The following CCDC136 variants were observed in gnomAD, a reference collection of about 807,000 sequenced individuals.
CCDC136 encodes the protein coiled-coil domain-containing protein 136.
Under a neutral mutation model 141.2 loss-of-function variants are expected in CCDC136, and 100 were observed. The observed-to-expected ratio is 0.71, with a 90% confidence interval of 0.60 to 0.84. The LOEUF (loss-of-function observed/expected upper bound fraction) is 0.84, where lower values mean the gene tolerates loss of function less well. Ranked by LOEUF, CCDC136 falls within the 40% of genes least tolerant of loss-of-function variation. The pLI is 0.00. For missense variants in CCDC136, 1,206 were observed against 1,379.4 expected, an observed-to-expected ratio of 0.87 and a Z score of 1.99; for synonymous variants, 474 against 531.9, an observed-to-expected ratio of 0.89 and a Z score of 1.50.
chr7:128,802,681 T>G (rs1007607988), intron 4 of CCDC136, among the ~76,000 whole-genome samples: 3 of 152,240 alleles, frequency 2.0e-5, no homozygotes, highest in African/African-American at 7.2e-5. Context: ...AATAGTAATG[T>G]ATCAATATTT....
Position 128,801,369 on chromosome 7 carries a change from G to A in CCDC136, c.530G>A (p.Arg177Gln), listed in dbSNP as rs374763554. 2.0e-5 allele frequency: 33 copies of A among 1,613,288 alleles called. No individual in the cohort carries two copies. The highest frequency in any genetic ancestry group is 8.8e-5 in the South Asian group (8 of 90,924). ...GCATCCCTGCAGGAGGATCTCTGCC[G>A]GATGCAGAATGAACTTGAAGACATG... ...DIASLQEDLCRMQNELEDMER... is the reference protein window; with the variant it reads ...DIASLQEDLCQMQNELEDMER... Residue 177 changes from arginine to glutamine, a missense_variant, in exon 4 of 18, where the codon CGG becomes CAG. By Grantham distance (43) the Arg-to-Gln change is conservative (BLOSUM62 1). Transcript: ENST00000297788.
At chr7:128,811,779 T>C in intron 12 of CCDC136, 21 bp from the exon 13 acceptor site, 2 of 1,543,178 alleles carry the variant, frequency 1.3e-6, no homozygotes, top group Non-Finnish European at 1.7e-6. Context: ...AATGATACTG[T>C]CTCCCCACCC....
chr7:128,817,876 G>T lies in CCDC136; in HGVS notation c.*5+12G>T. 1.9e-6 allele frequency: 3 copies of T among 1,601,512 alleles called. No individual in the cohort carries two copies. Among genetic ancestry groups the T allele is most frequent in the Non-Finnish European group, 2.6e-6 (3 of 1,168,632 alleles). ...TCGTCCTAATGCAGGTACTGGTATT[G>T]CTTCCTCTCCTTCTGAGGGATAGAG... is the stretch of plus-strand genomic sequence containing the variant. On this transcript the variant is annotated intron_variant, in intron 17 of 17. Transcript: ENST00000297788. The surrounding 1 kb of genome is among the most constrained non-coding windows in gnomAD (Gnocchi z 4.6).
intron 13 of CCDC136, 73 bp downstream of exon 13, chr7:128,812,385 G>T (rs895140950): frequency 4.7e-6 from 7 of 1,475,636 alleles, no homozygotes; most frequent in Admixed American, 2.0e-5. Context: ...CATCGCCAGG[G>T]GAAGGGGCAA....
At chr7:128,808,560 T>G in intron 10 of CCDC136, 1 of 985,410 alleles carries the variant, frequency 1.0e-6, no homozygotes, top group Non-Finnish European at 1.2e-6. Context: ...TGAAGCATGT[T>G]GGAGAAGAGG....
upstream of CCDC136, chr7:128,791,725 GA>G (rs1802194436): frequency 1.6e-5 from 7 of 440,604 alleles, no homozygotes; most frequent in Middle Eastern, 3.1e-4. This position sits in a 1 kb window ranked among gnomAD's most constrained non-coding sequence, Gnocchi z 7.1. Context: ...TCCGGCCTGG[GA>G]CTGAGGCTTC....
chr7:128,796,804 G>T (rs1337723581), intron 3 of CCDC136, among the ~76,000 whole-genome samples: 3 of 142,108 alleles, frequency 2.1e-5, no homozygotes, highest in Admixed American at 2.1e-4. Context: ...TGCAGTGGCG[G>T]GATCTCGGCT....
At chr7:128,815,586 G>A (rs374125292) in intron 15 of CCDC136, 28 bp from the exon 16 acceptor site, 219 of 1,533,678 alleles carry the variant, frequency 1.4e-4, no homozygotes, top group Non-Finnish European at 1.8e-4. Context: ...TAACGCAGCC[G>A]CCATCCTGCC....
chr7:128,801,965 T>A (rs1272060688), intron 4 of CCDC136, among the ~76,000 whole-genome samples: 2 of 152,118 alleles, frequency 1.3e-5, no homozygotes, highest in African/African-American at 2.4e-5. Flanking sequence ...AGCTCTAGGA[T>A]GGGCAAAGAG....
intron 17 of CCDC136, among the ~76,000 whole-genome samples, chr7:128,820,742 C>A (rs1296222831): frequency 6.6e-6 from 1 of 152,186 alleles, no homozygotes; most frequent in Non-Finnish European, 1.5e-5. Context: ...GGTTTTCTTA[C>A]ATGAGTTACT....
chr7:128,797,292 C>T (rs1415006266), intron 3 of CCDC136, among the ~76,000 whole-genome samples: 4 of 152,064 alleles, frequency 2.6e-5, no homozygotes, highest in Non-Finnish European at 5.9e-5. Context: ...TATATAAAGG[C>T]AGAACCAGGG....
At position 128,817,730 on chromosome 7, in the gene CCDC136, G is replaced by A; in HGVS notation, c.3364-28G>A. On this transcript the variant is annotated intron_variant, in intron 16 of 17. Coordinates refer to ENST00000297788, the MANE Select transcript of CCDC136 (RefSeq NM_022742.5). This position sits in a 1 kb window ranked among gnomAD's most constrained non-coding sequence, Gnocchi z 4.6. ...CTCACATCTCCTGGTCTCTCCTCGT[G>A]CTTCTTTCTCATTTTGGTGTGTTGC... 1 of 1,476,884 alleles carries A rather than the reference G, an allele frequency of 6.8e-7. No individual in the cohort carries two copies. Among genetic ancestry groups the A allele is most frequent in the Non-Finnish European group, 9.5e-7 (1 of 1,055,112 alleles). 91.5% of individuals were successfully genotyped at this position (1,476,884 alleles called of 1,614,324 possible). A position where few individuals can be genotyped will look rare whatever the true frequency, so the allele number is the denominator to read the frequency against.
chr7:128,810,046 A>C, intron 11 of CCDC136, 93 bp from the exon 12 acceptor site: 5 of 736,306 alleles, frequency 6.8e-6, no homozygotes, highest in Non-Finnish European at 1.1e-5. Flanking sequence ...TCTTCAGGGA[A>C]TTGTTCACAA....
chr7:128,792,348 T>G lies in CCDC136; in HGVS notation c.-64T>G, dbSNP rs1439404263. On this transcript the variant is annotated 5_prime_UTR_variant, in exon 1 of 18. An upstream start codon of the reference 5' UTR is lost. Transcript: ENST00000297788. The stretch of plus-strand genomic sequence containing the variant: ...CCACAGTGACCACTCTAGGCTCCTA[T>G]GAGGCTTCCGAGGGCTGTGAGAGGA... 6.9e-7 allele frequency: 1 copy of G among 1,440,978 alleles called. No individual in the cohort carries two copies. Among genetic ancestry groups the G allele is most frequent in the South Asian group, 1.1e-5 (1 of 88,660 alleles). 89.3% of individuals were successfully genotyped at this position (1,440,978 alleles called of 1,614,324 possible).
At chr7:128,818,809 AC>A (rs1807036268) in intron 17 of CCDC136, among the ~76,000 whole-genome samples, 2 of 152,086 alleles carry the variant, frequency 1.3e-5, no homozygotes. Context: ...GCCTTCTGGA[AC>A]CCATAAGGTA....
At chr7:128,791,885 A>T (rs1002089127), upstream of CCDC136, 2 of 441,056 alleles carry the variant, frequency 4.5e-6, no homozygotes, top group Non-Finnish European at 6.9e-6. The surrounding 1 kb of genome is among the most constrained non-coding windows in gnomAD (Gnocchi z 7.1). Flanking sequence ...GGGGTGGGCA[A>T]GGTCCAGCGA....
Position 128,804,641 on chromosome 7 carries a change from C to G in CCDC136, c.671-9C>G. ...CCCGGTCTCATCTCTCTCTGCCTGT[C>G]CTCTGCAGAAGAACTGCAGGAGCTG... On this transcript the variant is annotated splice_polypyrimidine_tract_variant and intron_variant, in intron 4 of 17. Transcript: ENST00000297788. 6.6e-7 allele frequency: 1 copy of G among 1,526,250 alleles called. No individual in the cohort carries two copies. The highest frequency in any genetic ancestry group is 8.9e-7 in the Non-Finnish European group (1 of 1,121,456). 94.5% of individuals were successfully genotyped at this position (1,526,250 alleles called of 1,614,324 possible). A position where few individuals can be genotyped will look rare whatever the true frequency, so the allele number is the denominator to read the frequency against.
intron 4 of CCDC136, among the ~76,000 whole-genome samples, chr7:128,804,187 C>T (rs1804481729): frequency 6.6e-6 from 1 of 152,212 alleles, no homozygotes; most frequent in South Asian, 2.1e-4. Context: ...ACTCAGAATG[C>T]CTGAAAGGCA....
intron 13 of CCDC136, 137 bp from the exon 14 acceptor site, chr7:128,812,571 G>A (rs1308379448): frequency 4.1e-6 from 3 of 734,612 alleles, no homozygotes; most frequent in Middle Eastern, 3.8e-4. Flanking sequence ...CTCTTTATGG[G>A]GGTAAATATA....
Sources: allele counts gnomAD v4.1 joint callset (sites outside exome capture counted in the v4.1 genomes callset), GRCh38; gene constraint gnomAD v4.1.1; non-coding constraint Gnocchi (gnomAD v3.1); transcripts MANE v1.5; gene names NCBI Gene and HGNC (gene_info 2026-07-23, HGNC 2026-07-21).